CD99L2: variants seen among roughly 807,000 people sequenced by gnomAD.
The protein encoded by CD99L2 is CD99 molecule like 2.
CD99L2 carries 24 observed loss-of-function variants against 27.3 expected under a neutral mutation model. The observed-to-expected ratio is 0.88, with a 90% CI of 0.64 to 1.24. The LOEUF is 1.24. Ranked by LOEUF, CD99L2 falls within the 50% of genes most tolerant of loss-of-function variation. The pLI, the probability that CD99L2 is intolerant of heterozygous loss-of-function variation, is 0.00. For synonymous variants in CD99L2, 97 were observed against 87.9 expected (o/e 1.10, Z -0.58); for missense variants, 255 against 221.6 (o/e 1.15, Z -0.96).
rs181182505 is a variant in CD99L2 at position 150,882,095 on chromosome X, C to T, written c.67+16427G>A. ...TCTCCCAAAGTGCTGGGATTACAGG[C>T]GTGAGCCACCGCGCCCGGACTACTC... On this transcript the variant is annotated intron_variant, in intron 1 of 10. Transcript: ENST00000370377. 5.0e-3 allele frequency among the ~76,000 whole-genome samples: 558 copies of T among 111,233 alleles called. 7 individuals carry two copies. The highest frequency in any genetic ancestry group is 0.014 in the Middle Eastern group (3 of 218).
rs2043323811 is a variant in CD99L2 at position 150,766,990 on chromosome X, GTC to G, written c.*2042_*2043del. On this transcript the variant is annotated 3_prime_UTR_variant, in exon 11 of 11. Coordinates refer to ENST00000370377, the MANE Select transcript of CD99L2 (RefSeq NM_031462.4). ...TGCAGTCAGTGCTCCTGGGAACACG[GTC>G]TCACAGACAGCACATATTCTACGTC... 1 of 111,774 alleles carries G rather than the reference GTC, an allele frequency of 8.9e-6. No individual in the cohort carries two copies. The highest frequency in any genetic ancestry group is 9.4e-5 in the Admixed American group (1 of 10,584). 9.2% of individuals were successfully genotyped at this position (111,774 alleles called of 1,213,427 possible).
chrX:150,781,311 G>C (rs1557419430), intron 7 of CD99L2, among the ~76,000 whole-genome samples: 2 of 111,894 alleles, frequency 1.8e-5, no homozygotes, highest in African/African-American at 6.5e-5. Flanking sequence ...CTTGTGCATA[G>C]AAAAAGTACT....
intron 1 of CD99L2, among the ~76,000 whole-genome samples, chrX:150,893,859 G>C (rs782817657): frequency 9.1e-6 from 1 of 109,824 alleles, no homozygotes; most frequent in Non-Finnish European, 1.9e-5. Flanking sequence ...GGGACTACAA[G>C]CGTGTACCAC....
chrX:150,878,350 A>AGG (rs2047266378), intron 1 of CD99L2, among the ~76,000 whole-genome samples: 1 of 109,711 alleles, frequency 9.1e-6, no homozygotes, highest in Non-Finnish European at 1.9e-5. Context: ...AAAAAAAAAA[A>AGG]GGGAAAGAAA....
intron 2 of CD99L2, chrX:150,819,021 G>A (rs2046207207): frequency 6.4e-6 from 2 of 313,166 alleles, no homozygotes; most frequent in Middle Eastern, 1.1e-3. Context: ...ACTTCAACCT[G>A]AAGCATACAA....
At chrX:150,778,042 G>A (rs1239703401) in intron 7 of CD99L2, among the ~76,000 whole-genome samples, 1 of 111,912 alleles carries the variant, frequency 8.9e-6, no homozygotes, top group Non-Finnish European at 1.9e-5. Context: ...GGTGAGAGTT[G>A]GGAGGGAGGG....
At chrX:150,865,323 T>G (rs1417909447) in intron 1 of CD99L2, among the ~76,000 whole-genome samples, 2 of 109,436 alleles carry the variant, frequency 1.8e-5, no homozygotes, top group African/African-American at 6.7e-5. Context: ...CATAGTGAGA[T>G]TCCATCTCTA....
intron 1 of CD99L2, among the ~76,000 whole-genome samples, chrX:150,835,724 C>T (rs1187089821): frequency 9.0e-6 from 1 of 111,328 alleles, no homozygotes; most frequent in African/African-American, 3.3e-5. Flanking sequence ...CTATCCCCAC[C>T]AAAAATAAAA....
chrX:150,770,230 C>G (rs1394331807), intron 10 of CD99L2, 74 bp downstream of exon 10: 8 of 1,006,763 alleles, frequency 7.9e-6, no homozygotes, highest in Non-Finnish European at 9.8e-6. Flanking sequence ...CCCTGCTTCT[C>G]TAGCACAGTT....
chrX:150,789,324 G>A lies in CD99L2; in HGVS notation c.496+4367C>T, dbSNP rs782484870. 1.5e-4 allele frequency among the ~76,000 whole-genome samples: 16 copies of A among 110,228 alleles called. No homozygotes were observed. The South Asian group carries it at 1.9e-3, about 13-fold the overall frequency. On this transcript the variant is annotated intron_variant, in intron 7 of 10. Coordinates refer to ENST00000370377, the MANE Select transcript of CD99L2 (RefSeq NM_031462.4). ...TTTTTAGTAGAGACAGGGTTTCACCGTGTTAGCCAGGATGGTCTCGATCCC... is the reference window on the plus strand; with the variant it reads ...TTTTTAGTAGAGACAGGGTTTCACCATGTTAGCCAGGATGGTCTCGATCCC...
intron 4 of CD99L2, among the ~76,000 whole-genome samples, chrX:150,800,923 CG>C (rs2045895035): frequency 9.2e-6 from 1 of 109,212 alleles, no homozygotes; most frequent in Admixed American, 9.8e-5. Flanking sequence ...CCCGGCTACT[CG>C]GGAGGCTGAG....
At chrX:150,834,384 C>T (rs781829016) in intron 1 of CD99L2, among the ~76,000 whole-genome samples, 4 of 111,683 alleles carry the variant, frequency 3.6e-5, no homozygotes, top group South Asian at 3.7e-4. Flanking sequence ...CCCAGCTACT[C>T]GGGAGGCTGA....
chrX:150,770,788 G>A (rs782032275), intron 9 of CD99L2, among the ~76,000 whole-genome samples: 1 of 112,467 alleles, frequency 8.9e-6, no homozygotes, highest in Non-Finnish European at 1.9e-5. Context: ...AGGGCAGGGA[G>A]GGGCGGATGG....
chrX:150,821,751 CA>C (rs2046245681), intron 2 of CD99L2, among the ~76,000 whole-genome samples: 1 of 112,054 alleles, frequency 8.9e-6, no homozygotes, highest in African/African-American at 3.2e-5. Context: ...GCAAATCATA[CA>C]TATGATAAAT....
intron 1 of CD99L2, among the ~76,000 whole-genome samples, chrX:150,860,478 G>C (rs782368361): frequency 8.9e-6 from 1 of 111,801 alleles, no homozygotes; most frequent in South Asian, 3.7e-4. Context: ...GAAAAATCAG[G>C]CTACAGAAAG....
At chrX:150,835,910 C>T (rs1198274152) in intron 1 of CD99L2, among the ~76,000 whole-genome samples, 1 of 111,096 alleles carries the variant, frequency 9.0e-6, no homozygotes, top group Non-Finnish European at 1.9e-5. Flanking sequence ...CACCCCACCC[C>T]AGGTCTCACA....
intron 2 of CD99L2, among the ~76,000 whole-genome samples, chrX:150,826,249 A>C (rs879955569): frequency 8.9e-6 from 1 of 111,816 alleles, no homozygotes; most frequent in Non-Finnish European, 1.9e-5. Flanking sequence ...GTTATTTATA[A>C]AGTATCTAGT....
intron 7 of CD99L2, among the ~76,000 whole-genome samples, chrX:150,790,826 T>C (rs1314038360): frequency 2.7e-5 from 3 of 111,690 alleles, no homozygotes; most frequent in Non-Finnish European, 5.6e-5. Context: ...TAAAAGAAAT[T>C]ATTTTGGATA....
chrX:150,803,611 A>C (rs1225625148), intron 4 of CD99L2, among the ~76,000 whole-genome samples: 3 of 112,027 alleles, frequency 2.7e-5, no homozygotes, highest in Non-Finnish European at 5.6e-5. Context: ...TGAAGAGCCC[A>C]AAAAGACCCC....
Sources: gnomAD v4.1 joint callset for allele counts (sites outside exome capture counted in the v4.1 genomes callset) on GRCh38, gnomAD v4.1.1 for gene constraint, MANE v1.5 for transcripts, NCBI Gene and HGNC (gene_info 2026-07-23, HGNC 2026-07-21) for gene names.